Variants in RBM20 observed in about 807,000 individuals in gnomAD.
RBM20 encodes the protein RNA-binding protein 20.
Under a neutral mutation model 110.1 loss-of-function variants are expected in RBM20, and 51 were observed. The observed-to-expected ratio is 0.46, with a 90% CI of 0.37 to 0.59. The LOEUF (loss-of-function observed/expected upper bound fraction) is 0.59. Ranked by LOEUF, RBM20 falls within the 20% of genes least tolerant of loss-of-function variation. RBM20 has a pLI of 0.00. For missense variants in RBM20, 1,512 were observed against 1,574.9 expected (o/e 0.96, Z 0.68); for synonymous variants, 589 against 618.2 (o/e 0.95, Z 0.70).
chr10:110,657,142 A>T (rs1862037752), intron 1 of RBM20, among the ~76,000 whole-genome samples: 3 of 151,486 alleles, frequency 2.0e-5, no homozygotes, highest in African/African-American at 7.3e-5. Context: ...TCAGCCTCCC[A>T]AGTAGCTGGG....
rs116185502 is a variant in RBM20 at position 110,769,939 on chromosome 10, G to A, written c.192-10862G>A. ...TCTCTATGTTGCCCAGGCTGTTCTC[G>A]AATTCCTGGCCTCAAGTGATCCTTC... On this transcript the variant is annotated intron_variant, in intron 1 of 13. Transcript: ENST00000369519. 2.5e-3 allele frequency among the ~76,000 whole-genome samples: 383 copies of A among 152,110 alleles called. 2 individuals carry two copies. The highest frequency in any genetic ancestry group is 8.4e-3 in the African/African-American group (348 of 41,492).
At chr10:110,823,649 G>A (rs374796952) in intron 12 of RBM20, 35 bp downstream of exon 12, 19 of 1,549,388 alleles carry the variant, frequency 1.2e-5, no homozygotes, top group Admixed American at 2.0e-5. Context: ...TGAAATTCAG[G>A]TCTAGGAAAT....
At chr10:110,708,509 C>T (rs951113087) in intron 1 of RBM20, among the ~76,000 whole-genome samples, 6 of 151,980 alleles carry the variant, frequency 3.9e-5, no homozygotes, top group African/African-American at 7.3e-5. Context: ...AGCTAAATCC[C>T]ACTTATTTAC....
intron 7 of RBM20, among the ~76,000 whole-genome samples, chr10:110,807,338 G>C (rs12257194): frequency 0.018 from 2,696 of 152,250 alleles, 80 homozygotes; most frequent in African/African-American, 0.062. Flanking sequence ...GAAAATAAGG[G>C]GCAGAGGAAT....
Position 110,831,108 on chromosome 10 carries a change from G to A in RBM20, c.3499G>A (p.Gly1167Arg). Residue 1167 changes from glycine to arginine, a missense_variant, in exon 13 of 14, where the codon GGG becomes AGG. Around this residue, in one of 3 missense-constraint regions of RBM20, gnomAD observed 358 missense variants for 384.2 expected, o/e 0.93. Transcript: ENST00000369519. Reference sequence around the variant, plus strand: ...GACTGGCTTTTATTGCAAGCTGTGTGGGCTGTTCTACACGAGCGAGGAGAC... The same window carrying A: ...GACTGGCTTTTATTGCAAGCTGTGTAGGCTGTTCTACACGAGCGAGGAGAC... ...PRTGFYCKLCGLFYTSEETAK... is the reference protein window; with the variant it reads ...PRTGFYCKLCRLFYTSEETAK... The A allele has an allele frequency of 6.4e-7, 1 of 1,551,520 alleles. No homozygotes were observed.
chr10:110,778,990 TG>T (rs1844302826), intron 1 of RBM20, among the ~76,000 whole-genome samples: 2 of 152,244 alleles, frequency 1.3e-5, no homozygotes, highest in South Asian at 2.1e-4. Context: ...TGTAATTTTT[TG>T]GTTATTCCTT....
At chr10:110,828,043 C>A (rs1159618275) in intron 12 of RBM20, among the ~76,000 whole-genome samples, 1 of 152,182 alleles carries the variant, frequency 6.6e-6, no homozygotes, top group African/African-American at 2.4e-5. Context: ...ATGACCCTGG[C>A]CAGCGCGAGC....
chr10:110,671,361 A>G (rs1362477883), intron 1 of RBM20, among the ~76,000 whole-genome samples: 1 of 152,244 alleles, frequency 6.6e-6, no homozygotes, highest in Non-Finnish European at 1.5e-5. Flanking sequence ...CTTTTGATAT[A>G]TTAGCCACAT....
chr10:110,661,668 T>C (rs1043649318), intron 1 of RBM20, among the ~76,000 whole-genome samples: 4 of 152,006 alleles, frequency 2.6e-5, no homozygotes, highest in Non-Finnish European at 5.9e-5. Context: ...GGAAGGTGAA[T>C]ATGTATTCAT....
chr10:110,670,785 C>A (rs1407047313), intron 1 of RBM20, among the ~76,000 whole-genome samples: 1 of 152,172 alleles, frequency 6.6e-6, no homozygotes, highest in African/African-American at 2.4e-5. Context: ...AACAACACGA[C>A]TGTAACAACA....
chr10:110,680,894 C>T (rs1862414443), intron 1 of RBM20, among the ~76,000 whole-genome samples: 1 of 152,192 alleles, frequency 6.6e-6, no homozygotes, highest in African/African-American at 2.4e-5. Context: ...TCTCCCCACT[C>T]ATTTCCATTT....
In RBM20 at chr10:110,781,444, T is replaced by C; in HGVS notation, c.835T>C (p.Ser279Pro). 1 of 1,551,578 alleles carries C rather than the reference T, an allele frequency of 6.4e-7. No homozygotes were observed. Among genetic ancestry groups the C allele is most frequent in the Non-Finnish European group, 8.7e-7 (1 of 1,146,984 alleles). Residue 279 changes from serine (S) to proline (P), a missense_variant, in exon 2 of 14, where the codon TCC (serine) becomes CCC (proline). Physicochemically the swap from Ser to Pro is moderately conservative, Grantham distance 74. Around this residue, in one of 3 missense-constraint regions of RBM20, gnomAD observed 1,149 missense variants for 1,169.4 expected, o/e 0.98. Transcript: ENST00000369519. ...AGGGCAGGATGGTCAAGCTGCCTTT[T>C]CCAAAGATTTTTACGGACCCAACTC... ...HTGQDGQAAF[S>P]KDFYGPNSQG...
intron 1 of RBM20, among the ~76,000 whole-genome samples, chr10:110,742,224 T>C (rs1843732887): frequency 6.6e-6 from 1 of 152,208 alleles, no homozygotes; most frequent in African/African-American, 2.4e-5. Flanking sequence ...TATCTACACC[T>C]CCTCATCAGA....
chr10:110,775,526 G>C (rs1844250162), intron 1 of RBM20, among the ~76,000 whole-genome samples: 1 of 152,122 alleles, frequency 6.6e-6, no homozygotes, highest in African/African-American at 2.4e-5. Flanking sequence ...TTTAAGTCCT[G>C]GTTCACCAAC....
At chr10:110,756,882 G>A (rs575382435) in intron 1 of RBM20, among the ~76,000 whole-genome samples, 1 of 152,336 alleles carries the variant, frequency 6.6e-6, no homozygotes, top group East Asian at 1.9e-4. Flanking sequence ...TCAAAATTGA[G>A]TGTTCTGCAG....
chr10:110,761,636 A>T (rs1844005326), intron 1 of RBM20, among the ~76,000 whole-genome samples: 1 of 152,096 alleles, frequency 6.6e-6, no homozygotes, highest in South Asian at 2.1e-4. Flanking sequence ...TCTTTCCCTG[A>T]CTTTGTCCCC....
At chr10:110,806,048 G>A (rs1018147857) in intron 7 of RBM20, among the ~76,000 whole-genome samples, 3 of 152,112 alleles carry the variant, frequency 2.0e-5, no homozygotes, top group Non-Finnish European at 2.9e-5. Context: ...CGAGGTGGGC[G>A]GATCACTTGA....
intron 5 of RBM20, among the ~76,000 whole-genome samples, chr10:110,789,382 C>T (rs1419499676): frequency 2.0e-5 from 3 of 151,464 alleles, no homozygotes; most frequent in Admixed American, 1.3e-4. Context: ...CTGAGTGTTT[C>T]GTTGCCTTGT....
At chr10:110,806,671 T>G (rs754595550) in intron 7 of RBM20, among the ~76,000 whole-genome samples, 2 of 152,218 alleles carry the variant, frequency 1.3e-5, no homozygotes, top group African/African-American at 4.8e-5. Context: ...TTAGTCATCA[T>G]TGTTGGCTGA....
Sources: allele counts gnomAD v4.1 joint callset (sites outside exome capture counted in the v4.1 genomes callset), GRCh38; gene constraint gnomAD v4.1.1; regional missense constraint gnomAD v4.1.1; transcripts MANE v1.5; gene names NCBI Gene and HGNC (gene_info 2026-07-23, HGNC 2026-07-21).